The following VAV3 variants were observed in gnomAD, a reference collection of about 807,000 sequenced individuals.
The protein encoded by VAV3 is vav guanine nucleotide exchange factor 3, also known as guanine nucleotide exchange factor VAV3.
Under a neutral mutation model 131.2 loss-of-function variants are expected in VAV3, and 94 were observed. The observed-to-expected ratio is 0.72, with a 90% CI of 0.61 to 0.85. VAV3 has a LOEUF of 0.85. VAV3 is among the 40% of genes least tolerant of loss of function. VAV3 has a pLI of 0.00. For synonymous variants in VAV3, 349 were observed against 342.0 expected (o/e 1.02, Z -0.22); for missense variants, 939 against 1,002.7 (o/e 0.94, Z 0.86).
At chr1:107,658,396 C>A (rs1450041159) in intron 19 of VAV3, among the ~76,000 whole-genome samples, 3 of 152,200 alleles carry the variant, frequency 2.0e-5, no homozygotes, top group Non-Finnish European at 4.4e-5. Flanking sequence ...GTGAATAGTG[C>A]TGCAATAAAC....
intron 20 of VAV3, among the ~76,000 whole-genome samples, chr1:107,642,031 T>C (rs1655379140): frequency 6.6e-6 from 1 of 152,128 alleles, no homozygotes; most frequent in South Asian, 2.1e-4. Flanking sequence ...TAAGCAGTAA[T>C]AAATCATGCA....
chr1:107,874,823 G>T, intron 2 of VAV3, 78 bp downstream of exon 2: 2 of 1,258,396 alleles, frequency 1.6e-6, no homozygotes, highest in Non-Finnish European at 2.3e-6. Context: ...TAAGTCACAT[G>T]CCCTACTTCA....
chr1:107,732,505 G>A (rs974938395), intron 15 of VAV3, among the ~76,000 whole-genome samples: 1 of 152,168 alleles, frequency 6.6e-6, no homozygotes, highest in Non-Finnish European at 1.5e-5. Flanking sequence ...GGACACTCCC[G>A]CCTTAATACT....
At chr1:107,756,008 C>G (rs1279035254) in intron 11 of VAV3, among the ~76,000 whole-genome samples, 1 of 152,032 alleles carries the variant, frequency 6.6e-6, no homozygotes, top group African/African-American at 2.4e-5. Context: ...AGCATTCGGT[C>G]AAGGAAACCG....
chr1:107,809,332 T>C (rs1255302442), intron 2 of VAV3, among the ~76,000 whole-genome samples: 4 of 152,150 alleles, frequency 2.6e-5, no homozygotes, highest in East Asian at 3.9e-4. Context: ...ACAGAATGAA[T>C]AAAATATTTA....
intron 18 of VAV3, among the ~76,000 whole-genome samples, chr1:107,686,212 C>T (rs1261840865): frequency 6.6e-6 from 1 of 152,008 alleles, no homozygotes; most frequent in South Asian, 2.1e-4. Context: ...TCCGAAGGTC[C>T]ACTCCAGAAT....
chr1:107,796,043 A>C (rs1021515684), intron 2 of VAV3, among the ~76,000 whole-genome samples: 16 of 152,324 alleles, frequency 1.1e-4, no homozygotes, highest in African/African-American at 3.6e-4. Context: ...CAGCAAAGTA[A>C]AACAGAAAAG....
chr1:107,800,168 A>G (rs1377717393), intron 2 of VAV3, among the ~76,000 whole-genome samples: 1 of 152,146 alleles, frequency 6.6e-6, no homozygotes, highest in Non-Finnish European at 1.5e-5. Flanking sequence ...GCAGATAGAT[A>G]CCTCTTCAAT....
chr1:107,675,603 C>T (rs1658151775), intron 19 of VAV3, among the ~76,000 whole-genome samples: 1 of 152,158 alleles, frequency 6.6e-6, no homozygotes, highest in Admixed American at 6.5e-5. Context: ...CAGGTAGTGG[C>T]TTAAATTTAA....
At chr1:107,745,649 AT>A (rs1663297798) in intron 15 of VAV3, among the ~76,000 whole-genome samples, 1 of 152,180 alleles carries the variant, frequency 6.6e-6, no homozygotes, top group Non-Finnish European at 1.5e-5. Context: ...CCATGGCCTT[AT>A]TTAATGTTCT....
chr1:107,807,339 G>C (rs1473927583), intron 2 of VAV3, among the ~76,000 whole-genome samples: 1 of 152,116 alleles, frequency 6.6e-6, no homozygotes, highest in Non-Finnish European at 1.5e-5. Flanking sequence ...ACCCAACTCT[G>C]CTGCTTCTCC....
At chr1:107,794,250 C>T (rs11185179) in intron 2 of VAV3, among the ~76,000 whole-genome samples, 18,252 of 152,274 alleles carry the variant, frequency 0.12, 1,242 homozygotes, top group Non-Finnish European at 0.14. Context: ...GCCTGGTTTC[C>T]ACTGAGGAAT....
chr1:107,702,938 A>T (rs920566342), intron 17 of VAV3, among the ~76,000 whole-genome samples: 3 of 152,318 alleles, frequency 2.0e-5, no homozygotes, highest in African/African-American at 7.2e-5. Flanking sequence ...AAATGAATAA[A>T]CAAAAGCTCA....
At chr1:107,701,991 T>C (rs1469819970) in intron 17 of VAV3, among the ~76,000 whole-genome samples, 4 of 152,214 alleles carry the variant, frequency 2.6e-5, no homozygotes, top group Admixed American at 2.0e-4. Flanking sequence ...AGTTCCAAAG[T>C]CGCTTCCACA....
chr1:107,621,165 G>T (rs573087293), intron 20 of VAV3, among the ~76,000 whole-genome samples: 1 of 151,532 alleles, frequency 6.6e-6, no homozygotes, highest in African/African-American at 2.4e-5. Context: ...TAAACAGGCT[G>T]CCAATGTCAT....
At chr1:107,859,462 A>G (rs1669636896) in intron 2 of VAV3, among the ~76,000 whole-genome samples, 1 of 152,124 alleles carries the variant, frequency 6.6e-6, no homozygotes, top group Admixed American at 6.6e-5. Flanking sequence ...GCATAAAAAC[A>G]TGGAATAATT....
intron 15 of VAV3, among the ~76,000 whole-genome samples, chr1:107,739,615 GA>G (rs1662887716): frequency 6.6e-6 from 1 of 152,168 alleles, no homozygotes; most frequent in Non-Finnish European, 1.5e-5. Flanking sequence ...GCATTTTAAG[GA>G]GGAAGAATGT....
intron 1 of VAV3, among the ~76,000 whole-genome samples, chr1:107,956,485 A>C (rs1674821439): frequency 6.6e-6 from 1 of 152,226 alleles, no homozygotes; most frequent in Non-Finnish European, 1.5e-5. Context: ...GTACACAAGC[A>C]TATATGCTAC....
chr1:107,850,506 A>AT (rs1392726831), intron 2 of VAV3, among the ~76,000 whole-genome samples: 4 of 150,154 alleles, frequency 2.7e-5, no homozygotes, highest in African/African-American at 9.8e-5. Flanking sequence ...TCACTTATAA[A>AT]TGTGAGCTGA....
Sources: allele counts gnomAD v4.1 joint callset (sites outside exome capture counted in the v4.1 genomes callset), GRCh38; gene constraint gnomAD v4.1.1; transcripts MANE v1.5; gene names NCBI Gene and HGNC (gene_info 2026-07-23, HGNC 2026-07-21).